Variants in ATP11A observed in about 807,000 individuals in gnomAD.
The protein encoded by ATP11A is ATPase phospholipid transporting 11A.
A neutral mutation model predicts 154.4 loss-of-function variants in ATP11A; 81 were observed. The observed-to-expected ratio is 0.52, with a 90% CI of 0.44 to 0.63. ATP11A has a LOEUF of 0.63. ATP11A is among the 30% of genes least tolerant of loss of function. ATP11A has a pLI of 0.00. For missense variants in ATP11A, 1,316 were observed against 1,474.3 expected, an observed-to-expected ratio of 0.89 and a Z score of 1.76; for synonymous variants, 623 against 585.9, an observed-to-expected ratio of 1.06 and a Z score of -0.91.
intron 17 of ATP11A, among the ~76,000 whole-genome samples, chr13:112,850,392 CCT>C (rs960550153): frequency 3.3e-5 from 5 of 152,310 alleles, no homozygotes; most frequent in Admixed American, 6.5e-5. Flanking sequence ...TAAACCGCCC[CCT>C]GTGTGGCTGC....
intron 1 of ATP11A, among the ~76,000 whole-genome samples, chr13:112,775,963 C>T (rs1323991197): frequency 6.6e-6 from 1 of 152,238 alleles, no homozygotes; most frequent in Admixed American, 6.5e-5. Context: ...GCCTCCCGGG[C>T]GTGAGCCCAC....
At chr13:112,835,485 G>C (rs532755096) in intron 15 of ATP11A, among the ~76,000 whole-genome samples, 1 of 152,210 alleles carries the variant, frequency 6.6e-6, no homozygotes, top group Non-Finnish European at 1.5e-5. Context: ...TGGGCTTCCC[G>C]GGGGCCGCAA....
chr13:112,695,359 C>T (rs1478022846), intron 1 of ATP11A, among the ~76,000 whole-genome samples: 4 of 152,240 alleles, frequency 2.6e-5, no homozygotes, highest in Non-Finnish European at 5.9e-5. Flanking sequence ...GCTCATCACA[C>T]GAATTCACCA....
intron 2 of ATP11A, among the ~76,000 whole-genome samples, chr13:112,797,770 G>A (rs372816863): frequency 6.6e-6 from 1 of 152,218 alleles, no homozygotes; most frequent in Non-Finnish European, 1.5e-5. Flanking sequence ...TGCAAGAAAT[G>A]TTAAAAGTTC....
At chr13:112,835,235 G>T (rs1328942438) in intron 15 of ATP11A, among the ~76,000 whole-genome samples, 1 of 152,234 alleles carries the variant, frequency 6.6e-6, no homozygotes, top group Non-Finnish European at 1.5e-5. Context: ...TGAGATAAGT[G>T]ACCCATCTTG....
At chr13:112,716,077 G>A (rs951791464) in intron 1 of ATP11A, among the ~76,000 whole-genome samples, 4 of 152,114 alleles carry the variant, frequency 2.6e-5, no homozygotes, top group Non-Finnish European at 5.9e-5. Context: ...GAGAGGCTTG[G>A]AGCTCATTCT....
chr13:112,824,344 G>A lies in ATP11A; in HGVS notation c.791G>A (p.Gly264Asp). The change falls in exon 10 of 30, where the codon GGT (glycine) becomes GAT (aspartate). Residue 264 changes from glycine to aspartate, a missense_variant and splice_region_variant. Physicochemically the swap from Gly to Asp is moderately conservative, Grantham distance 94. Around this residue, in one of 5 missense-constraint regions of ATP11A, gnomAD observed 876 missense variants for 1,006.8 expected, o/e 0.87. Transcript: ENST00000375645. ...ATLKNTEKIF[G>D]VAIYTGMETK... ...TCACCCTTGCTCTTCCTCTCTGTAG[G>A]TGTGGCTATTTACACGGGAATGGAA... The A allele has an allele frequency of 6.2e-7, 1 of 1,613,190 alleles. No homozygotes were observed. Among genetic ancestry groups the A allele is most frequent in the Non-Finnish European group, 8.5e-7 (1 of 1,179,170 alleles).
chr13:112,826,970 T>A lies in ATP11A; in HGVS notation c.1221+79T>A. 2.0e-6 allele frequency: 3 copies of A among 1,472,238 alleles called. No homozygotes were observed. The South Asian group carries it at 3.5e-5, about 17-fold the overall frequency. 91.2% of individuals were successfully genotyped at this position (1,472,238 alleles called of 1,614,324 possible). A position where few individuals can be genotyped will look rare whatever the true frequency, so the allele number is the denominator to read the frequency against. On this transcript the variant is annotated intron_variant, in intron 12 of 29. Transcript: ENST00000375645. ...CTTCACGTTCCTCAGGTCCTGTGCC[T>A]GTCATCCGAGCGTGGCTGTACCTGT...
rs891130132 is a variant in ATP11A at position 112,793,495 on chromosome 13, G to A, written c.162+8238G>A. 3.3e-5 allele frequency among the ~76,000 whole-genome samples: 5 copies of A among 152,266 alleles called. No homozygotes were observed. In the South Asian group the frequency reaches 6.2e-4, roughly 19 times the overall value. ...TGGGTTTACAGACGTGAGTCGCCGC[G>A]CCCATCCAGGGGCACGTTTCTTAAC... On this transcript the variant is annotated intron_variant, in intron 2 of 29. Coordinates refer to ENST00000375645, the MANE Select transcript of ATP11A (RefSeq NM_015205.3).
chr13:112,805,651 G>A (rs1372795876), intron 3 of ATP11A, among the ~76,000 whole-genome samples: 1 of 148,020 alleles, frequency 6.8e-6, no homozygotes, highest in Non-Finnish European at 1.5e-5. Context: ...ACTCCAGCCT[G>A]GCGACAGAGC....
intron 1 of ATP11A, among the ~76,000 whole-genome samples, chr13:112,714,581 C>T (rs1888210969): frequency 6.6e-6 from 1 of 152,366 alleles, no homozygotes; most frequent in Admixed American, 6.5e-5. Context: ...CCAGCCCCCT[C>T]TGCTGCCTTC....
intron 8 of ATP11A, among the ~76,000 whole-genome samples, chr13:112,820,613 C>G (rs2140203336): frequency 6.6e-6 from 1 of 152,344 alleles, no homozygotes; most frequent in South Asian, 2.1e-4. Context: ...GAGCCCAGCT[C>G]TGAGCAGCAC....
intron 14 of ATP11A, 61 bp from the exon 15 acceptor site, chr13:112,834,528 C>T (rs1164577552): frequency 6.4e-6 from 7 of 1,097,330 alleles, no homozygotes; most frequent in Admixed American, 3.5e-5. Flanking sequence ...AAAGCAAATA[C>T]TCTATGAAAG....
In ATP11A at chr13:112,762,838, C is replaced by T. The variant is rs118014287; in HGVS notation, c.40-22297C>T. On this transcript the variant is annotated intron_variant, in intron 1 of 29. Coordinates refer to ENST00000375645, the MANE Select transcript of ATP11A (RefSeq NM_015205.3). The stretch of plus-strand genomic sequence containing the variant: ...AGCCCTCCAGGAGTGGCGTGGAGGC[C>T]GGGGCACTCAGTCACGTGTGTGCCG... 6.0e-4 allele frequency among the ~76,000 whole-genome samples: 92 copies of T among 152,306 alleles called. 1 individual carries two copies. In the East Asian group the frequency reaches 0.017, roughly 28 times the overall value.
In ATP11A at chr13:112,762,651, A is replaced by T. The variant is rs77551890; in HGVS notation, c.40-22484A>T. The stretch of plus-strand genomic sequence containing the variant: ...AAGTGGTTCATTTTTCTTCCCCTTA[A>T]CTCCCATGTCCCTGTGGTAAAATTC... On this transcript the variant is annotated intron_variant, in intron 1 of 29. Coordinates refer to ENST00000375645, the MANE Select transcript of ATP11A (RefSeq NM_015205.3). Among the ~76,000 whole-genome samples the T allele has an allele frequency of 7.6e-3, 1,155 of 152,102 alleles. 20 individuals carry two copies. The highest frequency in any genetic ancestry group is 0.027 in the African/African-American group (1,111 of 41,488).
intron 1 of ATP11A, among the ~76,000 whole-genome samples, chr13:112,712,803 A>T (rs1887918739): frequency 6.6e-6 from 1 of 152,194 alleles, no homozygotes; most frequent in African/African-American, 2.4e-5. Flanking sequence ...GGTGTTTGTC[A>T]TCCCCTGTCT....
intron 1 of ATP11A, among the ~76,000 whole-genome samples, chr13:112,718,949 G>A (rs1262536398): frequency 1.3e-5 from 2 of 152,216 alleles, no homozygotes; most frequent in Non-Finnish European, 2.9e-5. Flanking sequence ...CAAAGTGCCG[G>A]GATTACAGGC....
At chr13:112,710,657 G>C (rs1344975741) in intron 1 of ATP11A, among the ~76,000 whole-genome samples, 1 of 152,254 alleles carries the variant, frequency 6.6e-6, no homozygotes, top group Admixed American at 6.5e-5. Context: ...TCCAGGGAGG[G>C]GTTGTAACAC....
chr13:112,732,786 A>G (rs1890625865), intron 1 of ATP11A, among the ~76,000 whole-genome samples: 1 of 151,664 alleles, frequency 6.6e-6, no homozygotes, highest in Non-Finnish European at 1.5e-5. Flanking sequence ...TAGTTTTTAT[A>G]TTTTTTTGTC....
Sources: allele counts gnomAD v4.1 joint callset (sites outside exome capture counted in the v4.1 genomes callset), GRCh38; gene constraint gnomAD v4.1.1; regional missense constraint gnomAD v4.1.1; transcripts MANE v1.5; gene names NCBI Gene and HGNC (gene_info 2026-07-23, HGNC 2026-07-21).